TMEM44: variants seen among roughly 807,000 people sequenced by gnomAD.
The protein encoded by TMEM44 is transmembrane protein 44.
Under a neutral mutation model 47.8 loss-of-function variants are expected in TMEM44, and 43 were observed. That is an observed-to-expected ratio of 0.90 (90% CI 0.70 to 1.16). The LOEUF is 1.16. Among genes scored for constraint, TMEM44 ranks in the 50% most tolerant of loss-of-function variants. TMEM44 has a pLI of 0.00. For synonymous variants in TMEM44, 277 were observed against 238.8 expected (o/e 1.16, Z -1.48); for missense variants, 568 against 555.2 (o/e 1.02, Z -0.23).
rs115428019 is a variant in TMEM44, at chr3:194,621,579, C to T, written c.612+1645G>A. Among the ~76,000 whole-genome samples the T allele has an allele frequency of 3.7e-3, 566 of 152,306 alleles. 6 individuals carry two copies. The highest frequency in any genetic ancestry group is 0.013 in the African/African-American group (539 of 41,568). ...AAAGACAGGACACCTGCTGATGAGG[C>T]CCAGGCCCTGCGAGGCTTCTGGCAG... is the stretch of plus-strand genomic sequence containing the variant. On this transcript the variant is annotated intron_variant, in intron 5 of 9. Coordinates refer to ENST00000347147, the MANE Select transcript of TMEM44 (RefSeq NM_001011655.3).
At position 194,599,203 on chromosome 3, in the gene TMEM44, G is replaced by A. The variant is rs184404863; in HGVS notation, c.1176+5084C>T. Among the ~76,000 whole-genome samples, 7 of 152,282 alleles carry A rather than the reference G, an allele frequency of 4.6e-5. 1 individual carries two copies. The East Asian group carries it at 1.4e-3, about 29-fold the overall frequency. On this transcript the variant is annotated intron_variant, in intron 9 of 9. Coordinates refer to ENST00000347147, the MANE Select transcript of TMEM44 (RefSeq NM_001011655.3). The stretch of plus-strand genomic sequence containing the variant: ...AGGGTATGGTCCGGAAGAGTAAGGC[G>A]GGGGACCAGACTCTCAACTGTGACT...
At chr3:194,617,651 C>T (rs1467070152) in intron 5 of TMEM44, 2 of 703,932 alleles carry the variant, frequency 2.8e-6, no homozygotes, top group Admixed American at 4.0e-5. Flanking sequence ...CAGTGCCCAG[C>T]ACCTGACGCT....
intron 1 of TMEM44, 88 bp downstream of exon 1, chr3:194,632,991 C>A: frequency 6.7e-7 from 1 of 1,494,232 alleles, no homozygotes; most frequent in Non-Finnish European, 9.0e-7. Flanking sequence ...CCCCTTTCCG[C>A]CCCCTCCTCT....
intron 5 of TMEM44, among the ~76,000 whole-genome samples, chr3:194,621,231 A>C (rs1378731687): frequency 2.0e-5 from 3 of 152,158 alleles, no homozygotes; most frequent in African/African-American, 7.2e-5. Flanking sequence ...ACCACAAGCC[A>C]AGGGGCTACC....
chr3:194,623,509 C>T lies in TMEM44; in HGVS notation c.525+20G>A, dbSNP rs1343832808. On this transcript the variant is annotated intron_variant, in intron 4 of 9. Coordinates refer to ENST00000347147, the MANE Select transcript of TMEM44 (RefSeq NM_001011655.3). ...GGACATGCAGTACCCCGAGTCCTCC[C>T]CACGGTGGCCCAGCCTCACCTGCAG... 3 of 1,565,836 alleles carry T rather than the reference C, an allele frequency of 1.9e-6. No individual in the cohort carries two copies. The highest frequency in any genetic ancestry group is 1.4e-5 in the African/African-American group (1 of 73,358).
chr3:194,614,021 C>T (rs1715617082), intron 7 of TMEM44, among the ~76,000 whole-genome samples: 1 of 151,894 alleles, frequency 6.6e-6, no homozygotes, highest in African/African-American at 2.4e-5. Flanking sequence ...ACTTGGGAGG[C>T]TGAGGCAGGA....
intron 5 of TMEM44, chr3:194,617,668 C>A (rs771789792): frequency 1.4e-6 from 1 of 704,008 alleles, no homozygotes; most frequent in Non-Finnish European, 2.6e-6. Context: ...CGCTGGGCAG[C>A]GGCTCGCCAA....
intron 9 of TMEM44, chr3:194,590,017 C>T (rs1409039901): frequency 6.6e-6 from 1 of 152,244 alleles, no homozygotes; most frequent in Non-Finnish European, 1.5e-5. Flanking sequence ...TCTGCCTGGG[C>T]AGACGATCTA....
chr3:194,591,870 G>A (rs1712772398), intron 9 of TMEM44, among the ~76,000 whole-genome samples: 1 of 152,056 alleles, frequency 6.6e-6, no homozygotes. Context: ...GCCTTCCAAA[G>A]TGTTGGGATT....
intron 1 of TMEM44, among the ~76,000 whole-genome samples, chr3:194,631,209 G>A (rs989544807): frequency 1.3e-5 from 2 of 151,948 alleles, no homozygotes; most frequent in African/African-American, 4.8e-5. Context: ...GAAATATGTT[G>A]TCGTACCTGC....
At chr3:194,591,804 G>A (rs1348684838) in intron 9 of TMEM44, among the ~76,000 whole-genome samples, 2 of 151,810 alleles carry the variant, frequency 1.3e-5, no homozygotes, top group Non-Finnish European at 2.9e-5. Flanking sequence ...TGGGGATCTC[G>A]CCACGTTGGC....
chr3:194,632,547 A>G (rs968817189), intron 1 of TMEM44, among the ~76,000 whole-genome samples: 1 of 152,212 alleles, frequency 6.6e-6, no homozygotes, highest in African/African-American at 2.4e-5. Context: ...GCTGGATCAT[A>G]TCACTACCTC....
intron 5 of TMEM44, among the ~76,000 whole-genome samples, chr3:194,621,602 C>T (rs1341953189): frequency 6.6e-6 from 1 of 152,206 alleles, no homozygotes; most frequent in Non-Finnish European, 1.5e-5. Context: ...AGGCTTCTGG[C>T]AGTCACAGCA....
Position 194,623,685 on chromosome 3 carries a change from G to C in TMEM44, c.369C>G (p.Ala123=), listed in dbSNP as rs890215279. The C allele has an allele frequency of 6.2e-7, 1 of 1,613,856 alleles. No individual in the cohort carries two copies. Among genetic ancestry groups the C allele is most frequent in the Non-Finnish European group, 8.5e-7 (1 of 1,179,992 alleles). The stretch of plus-strand genomic sequence containing the variant: ...GCTGCCGCCTCCTCTTCCTCTCTCG[G>C]GCTTCCCGATCTGCAACAGACACCA... ...SKFKSNSDRE[A]RERKRRRQLR... is the part of the protein sequence containing the mutation. Residue 123 remains alanine, a synonymous_variant, in exon 4 of 10, where the codon GCC becomes GCG. Transcript: ENST00000347147.
At chr3:194,595,358 A>T (rs1458573174) in intron 9 of TMEM44, among the ~76,000 whole-genome samples, 1 of 152,194 alleles carries the variant, frequency 6.6e-6, no homozygotes, top group African/African-American at 2.4e-5. Context: ...GCCTTTGTCT[A>T]TATAGCATGT....
At chr3:194,632,981 C>A (rs1483233841) in intron 1 of TMEM44, 98 bp downstream of exon 1, 1 of 1,472,760 alleles carries the variant, frequency 6.8e-7, no homozygotes, top group Non-Finnish European at 9.1e-7. Context: ...CTCCTTCATC[C>A]CCCTTTCCGC....
chr3:194,621,115 C>T (rs554725160), intron 5 of TMEM44, among the ~76,000 whole-genome samples: 4 of 151,882 alleles, frequency 2.6e-5, no homozygotes, highest in East Asian at 1.9e-4. Context: ...TGGATGATCA[C>T]GTCAAGATGA....
At chr3:194,627,791 C>T (rs1408619122) in intron 2 of TMEM44, among the ~76,000 whole-genome samples, 1 of 152,070 alleles carries the variant, frequency 6.6e-6, no homozygotes, top group Non-Finnish European at 1.5e-5. Context: ...CCAGCCTGGG[C>T]AACATGGTGA....
intron 9 of TMEM44, among the ~76,000 whole-genome samples, chr3:194,594,844 A>T (rs112142489): frequency 0.033 from 5,000 of 152,260 alleles, 102 homozygotes; most frequent in South Asian, 0.048. Flanking sequence ...ACAAAGCTTA[A>T]ATCTTCAGCG....
Sources: gnomAD v4.1 joint callset for allele counts (sites outside exome capture counted in the v4.1 genomes callset) on GRCh38, gnomAD v4.1.1 for gene constraint, MANE v1.5 for transcripts, NCBI Gene and HGNC (gene_info 2026-07-23, HGNC 2026-07-21) for gene names.